Variants in PRKG1 observed in about 807,000 individuals in gnomAD.
The protein encoded by PRKG1 is protein kinase cGMP-dependent 1.
In PRKG1, 35 loss-of-function variants were observed where a neutral mutation model predicts 88.1. The observed-to-expected ratio is 0.40, with a 90% confidence interval of 0.30 to 0.53. The LOEUF (loss-of-function observed/expected upper bound fraction) is 0.53, where lower values mean the gene tolerates loss of function less well. Among genes scored for constraint, PRKG1 ranks in the 20% least tolerant of loss-of-function variants. PRKG1 has a pLI of 0.59. For synonymous variants in PRKG1, 303 were observed against 292.5 expected (o/e 1.04, Z -0.37); for missense variants, 540 against 839.8 (o/e 0.64, Z 4.41).
chr10:51,966,686 G>C (rs1843574806), intron 5 of PRKG1, among the ~76,000 whole-genome samples: 1 of 152,086 alleles, frequency 6.6e-6, no homozygotes, highest in Admixed American at 6.6e-5. Flanking sequence ...AAATTCTATA[G>C]GGCTCTCTTC....
chr10:51,145,934 T>C (rs10822293), intron 1 of PRKG1, among the ~76,000 whole-genome samples: 67,575 of 151,674 alleles, frequency 0.45, 15,181 homozygotes, highest in African/African-American at 0.53. Flanking sequence ...TTTGGGAGGC[T>C]GAGGCGGGTG....
At chr10:51,722,961 G>A (rs1454635554) in intron 3 of PRKG1, among the ~76,000 whole-genome samples, 1 of 152,088 alleles carries the variant, frequency 6.6e-6, no homozygotes, top group Non-Finnish European at 1.5e-5. Context: ...CCAAATGAAC[G>A]TGTTCTCTGT....
At chr10:51,097,279 G>A (rs1313642742) in intron 1 of PRKG1, among the ~76,000 whole-genome samples, 1 of 152,160 alleles carries the variant, frequency 6.6e-6, no homozygotes, top group Non-Finnish European at 1.5e-5. Flanking sequence ...GAATGATGCA[G>A]TAGCATGATC....
chr10:51,964,127 C>T (rs75186186), intron 5 of PRKG1, among the ~76,000 whole-genome samples: 3,852 of 152,196 alleles, frequency 0.025, 157 homozygotes, highest in African/African-American at 0.084. Context: ...CCTGAGCTTC[C>T]GTTGTCGTGT....
chr10:51,715,694 C>T (rs2132441221), intron 3 of PRKG1, among the ~76,000 whole-genome samples: 1 of 152,166 alleles, frequency 6.6e-6, no homozygotes. Flanking sequence ...GACATATTGC[C>T]ATTTTTCTAT....
At chr10:52,058,196 G>T (rs1241068634) in intron 6 of PRKG1, among the ~76,000 whole-genome samples, 1 of 151,934 alleles carries the variant, frequency 6.6e-6, no homozygotes, top group Non-Finnish European at 1.5e-5. Context: ...GCTATCTAAA[G>T]TAAAATTATC....
At chr10:51,041,486 C>T (rs1031173149) in intron 1 of PRKG1, among the ~76,000 whole-genome samples, 1 of 152,194 alleles carries the variant, frequency 6.6e-6, no homozygotes, top group East Asian at 1.9e-4. Context: ...GTGGGTACAG[C>T]CTGGCTACCA....
intron 3 of PRKG1, among the ~76,000 whole-genome samples, chr10:51,556,143 G>A (rs936567447): frequency 2.0e-5 from 3 of 151,976 alleles, no homozygotes; most frequent in African/African-American, 7.2e-5. Context: ...AAGCCTTACA[G>A]TAAAGAAGTT....
chr10:51,551,088 A>T (rs1837117937), intron 3 of PRKG1, among the ~76,000 whole-genome samples: 1 of 151,924 alleles, frequency 6.6e-6, no homozygotes, highest in Non-Finnish European at 1.5e-5. Flanking sequence ...ATAATTTTTA[A>T]ATATGTTCTG....
chr10:51,514,181 C>A (rs1324978748), intron 3 of PRKG1, among the ~76,000 whole-genome samples: 1 of 150,654 alleles, frequency 6.6e-6, no homozygotes, highest in Non-Finnish European at 1.5e-5. Context: ...ACCGATCCCA[C>A]AGAAATACAA....
At chr10:51,687,523 A>C (rs886265160) in intron 3 of PRKG1, among the ~76,000 whole-genome samples, 2 of 152,202 alleles carry the variant, frequency 1.3e-5, no homozygotes, top group African/African-American at 4.8e-5. Flanking sequence ...ATGTTAGGCA[A>C]TATTTCTGGG....
chr10:51,315,472 A>AT (rs1292668149), intron 2 of PRKG1, among the ~76,000 whole-genome samples: 1 of 152,190 alleles, frequency 6.6e-6, no homozygotes, highest in Non-Finnish European at 1.5e-5. Context: ...TGATCACAGT[A>AT]TTTTTATGGG....
intron 3 of PRKG1, among the ~76,000 whole-genome samples, chr10:51,541,706 A>G (rs1734263570): frequency 6.6e-6 from 1 of 152,116 alleles, no homozygotes; most frequent in Non-Finnish European, 1.5e-5. Flanking sequence ...CAATTGCTTA[A>G]AAGGAAAGAT....
At chr10:51,733,782 T>G (rs570569461) in intron 3 of PRKG1, among the ~76,000 whole-genome samples, 1 of 152,210 alleles carries the variant, frequency 6.6e-6, no homozygotes, top group Non-Finnish European at 1.5e-5. Flanking sequence ...GCACTTTTGA[T>G]CCTGCAATTG....
intron 2 of PRKG1, among the ~76,000 whole-genome samples, chr10:51,170,280 T>A (rs1271111931): frequency 6.6e-6 from 1 of 152,020 alleles, no homozygotes; most frequent in Non-Finnish European, 1.5e-5. Flanking sequence ...AGTAAACAAA[T>A]ATTTATAGTG....
intron 2 of PRKG1, among the ~76,000 whole-genome samples, chr10:51,180,701 C>T (rs571109399): frequency 2.0e-5 from 3 of 152,280 alleles, no homozygotes; most frequent in African/African-American, 7.2e-5. Flanking sequence ...GGTCTGCATA[C>T]AAACAGCTGC....
chr10:52,161,270 G>T (rs1195355066), intron 8 of PRKG1, among the ~76,000 whole-genome samples: 3 of 152,070 alleles, frequency 2.0e-5, no homozygotes, highest in Non-Finnish European at 4.4e-5. Context: ...GATTTAAGCA[G>T]TTAAATCATT....
intron 5 of PRKG1, among the ~76,000 whole-genome samples, chr10:51,976,659 A>T (rs544684558): frequency 1.3e-5 from 2 of 152,062 alleles, no homozygotes; most frequent in South Asian, 4.1e-4. Context: ...TTTAGGTTGG[A>T]TAAAAAATTC....
chr10:51,672,442 C>T (rs906632616), intron 3 of PRKG1, among the ~76,000 whole-genome samples: 3 of 151,750 alleles, frequency 2.0e-5, no homozygotes, highest in Non-Finnish European at 2.9e-5. Context: ...TTCTTTTTTA[C>T]ATTTCTTTCT....
Sources: allele counts gnomAD v4.1 joint callset (sites outside exome capture counted in the v4.1 genomes callset), GRCh38; gene constraint gnomAD v4.1.1; transcripts MANE v1.5; gene names NCBI Gene and HGNC (gene_info 2026-07-23, HGNC 2026-07-21).